SPTLC3: variants seen among roughly 807,000 people sequenced by gnomAD.
The protein encoded by SPTLC3 is serine palmitoyltransferase long chain base subunit 3.
SPTLC3 carries 36 observed loss-of-function variants against 59.3 expected under a neutral mutation model. The observed-to-expected ratio is 0.61, with a 90% CI of 0.47 to 0.80. The LOEUF (loss-of-function observed/expected upper bound fraction) is 0.80, where lower values mean the gene tolerates loss of function less well. Among genes scored for constraint, SPTLC3 ranks in the 30% least tolerant of loss-of-function variants. The pLI, the probability that SPTLC3 is intolerant of heterozygous loss-of-function variation, is 0.00. For synonymous variants in SPTLC3, 257 were observed against 240.8 expected, an observed-to-expected ratio of 1.07 and a Z score of -0.62; for missense variants, 625 against 685.1, an observed-to-expected ratio of 0.91 and a Z score of 0.98.
chr20:13,046,116 T>G (rs934704238), intron 1 of SPTLC3, among the ~76,000 whole-genome samples: 1 of 152,192 alleles, frequency 6.6e-6, no homozygotes, highest in Non-Finnish European at 1.5e-5. Flanking sequence ...CTGGGTTCCC[T>G]TTATTCACCC....
Position 13,110,171 on chromosome 20 carries a change from C to T in SPTLC3, c.886C>T (p.Arg296Cys), listed in dbSNP as rs547828339. Reference protein sequence around the residue: ...DAVIYGQPRTRRAWKKILILV... With the variant: ...DAVIYGQPRTCRAWKKILILV... ...TGTCATCTATGGCCAGCCTCGAACC[C>T]GCAGAGCTTGGAAAAAGATTCTCAT... Residue 296 changes from arginine to cysteine, a missense_variant, in exon 7 of 12, where the codon CGC (arginine) becomes TGC (cysteine). Physicochemically the swap from Arg to Cys is radical, Grantham distance 180. Transcript: ENST00000399002. The T allele has an allele frequency of 3.4e-5, 55 of 1,613,618 alleles. No homozygotes were observed. The highest frequency in any genetic ancestry group is 3.2e-4 in the South Asian group (29 of 91,060).
At chr20:13,141,917 T>C (rs1403427365) in intron 9 of SPTLC3, among the ~76,000 whole-genome samples, 1 of 152,172 alleles carries the variant, frequency 6.6e-6, no homozygotes, top group Admixed American at 6.5e-5. Context: ...GCAATCAAGG[T>C]GACAGACATT....
chr20:13,111,503 T>A (rs1214939236), intron 7 of SPTLC3, among the ~76,000 whole-genome samples: 1 of 152,186 alleles, frequency 6.6e-6, no homozygotes, highest in Non-Finnish European at 1.5e-5. Flanking sequence ...TAGCTCAAAA[T>A]GTCGATAGTG....
intron 1 of SPTLC3, among the ~76,000 whole-genome samples, chr20:13,020,080 G>GA (rs910853152): frequency 6.6e-6 from 1 of 151,924 alleles, no homozygotes; most frequent in Non-Finnish European, 1.5e-5. Context: ...AATCCAACTA[G>GA]AAAAAAACAG....
intron 1 of SPTLC3, among the ~76,000 whole-genome samples, chr20:13,023,278 C>A (rs1240686100): frequency 1.3e-5 from 2 of 151,506 alleles, no homozygotes; most frequent in African/African-American, 2.4e-5. Context: ...CACACACACA[C>A]ACACACACAG....
intron 2 of SPTLC3, among the ~76,000 whole-genome samples, chr20:13,058,682 A>G (rs1987827955): frequency 6.6e-6 from 1 of 152,184 alleles, no homozygotes; most frequent in Non-Finnish European, 1.5e-5. Context: ...AAACTTCATC[A>G]TGCACACAGA....
chr20:13,088,149 G>A (rs531238337), intron 4 of SPTLC3, among the ~76,000 whole-genome samples: 47 of 152,230 alleles, frequency 3.1e-4, no homozygotes, highest in African/African-American at 6.5e-4. Context: ...AGGTAAACGC[G>A]TATCTGGCAA....
intron 4 of SPTLC3, among the ~76,000 whole-genome samples, chr20:13,086,642 G>A (rs1013088536): frequency 2.0e-5 from 3 of 152,164 alleles, no homozygotes; most frequent in Non-Finnish European, 4.4e-5. Flanking sequence ...AATTGGTCTT[G>A]CATCTAGGAG....
intron 1 of SPTLC3, among the ~76,000 whole-genome samples, chr20:13,038,577 C>T (rs1986838346): frequency 1.3e-5 from 2 of 152,040 alleles, no homozygotes; most frequent in Admixed American, 6.6e-5. Flanking sequence ...TTTGATTGAT[C>T]CATCCAAGCA....
chr20:13,023,277 A>G (rs1358664747), intron 1 of SPTLC3, among the ~76,000 whole-genome samples: 2 of 150,878 alleles, frequency 1.3e-5, no homozygotes, highest in Non-Finnish European at 2.9e-5. Context: ...ACACACACAC[A>G]CACACACACA....
At chr20:13,152,629 A>C (rs757737526) in intron 9 of SPTLC3, among the ~76,000 whole-genome samples, 1 of 152,230 alleles carries the variant, frequency 6.6e-6, no homozygotes, top group Non-Finnish European at 1.5e-5. Flanking sequence ...ATCTAAAAGA[A>C]AGACTCAAAT....
chr20:13,034,069 G>C (rs1986623403), intron 1 of SPTLC3, among the ~76,000 whole-genome samples: 1 of 152,178 alleles, frequency 6.6e-6, no homozygotes, highest in South Asian at 2.1e-4. Context: ...GCAATAAATG[G>C]AAGGTGGAAC....
At chr20:13,061,122 T>C (rs1280357882) in intron 2 of SPTLC3, among the ~76,000 whole-genome samples, 1 of 152,162 alleles carries the variant, frequency 6.6e-6, no homozygotes, top group Non-Finnish European at 1.5e-5. Flanking sequence ...ACATCTGTTA[T>C]TGTTTTGGCT....
At chr20:13,078,070 A>G (rs527790459) in intron 4 of SPTLC3, among the ~76,000 whole-genome samples, 1 of 149,778 alleles carries the variant, frequency 6.7e-6, no homozygotes, top group Non-Finnish European at 1.5e-5. Context: ...AAGGGAAAAG[A>G]ATACATTACT....
Position 13,117,514 on chromosome 20 carries a change from G to A in SPTLC3, c.941G>A (p.Gly314Asp). The change falls in exon 8 of 12, where the codon GGT becomes GAT. Residue 314 changes from glycine to aspartate, a missense_variant. Gly to Asp is a moderately conservative substitution (Grantham distance 94). Coordinates refer to ENST00000399002, the MANE Select transcript of SPTLC3 (RefSeq NM_018327.4). The part of the protein sequence containing the change: ...ILVEGVYSME[G>D]SIVHLPQIIA... ...TTCTCCTTCTGCCCTAGCATGGAAGGTTCCATCGTGCATCTGCCCCAGATC... is the reference window on the plus strand; with the variant it reads ...TTCTCCTTCTGCCCTAGCATGGAAGATTCCATCGTGCATCTGCCCCAGATC... The A allele has an allele frequency of 1.3e-6, 2 of 1,592,420 alleles. No individual in the cohort carries two copies. Among genetic ancestry groups the A allele is most frequent in the Admixed American group, 1.8e-5 (1 of 56,304 alleles).
chr20:13,070,363 G>A (rs1988391109), intron 2 of SPTLC3, among the ~76,000 whole-genome samples: 1 of 152,156 alleles, frequency 6.6e-6, no homozygotes, highest in South Asian at 2.1e-4. Context: ...AGGACCAAAG[G>A]ATGAAGTGAC....
intron 4 of SPTLC3, among the ~76,000 whole-genome samples, chr20:13,088,682 G>A (rs73610451): frequency 2.7e-5 from 4 of 146,008 alleles, no homozygotes; most frequent in Admixed American, 1.4e-4. Flanking sequence ...GCAGTGGCTC[G>A]ATCTCAGCTC....
At chr20:13,155,981 G>T (rs2038759385) in intron 10 of SPTLC3, among the ~76,000 whole-genome samples, 1 of 152,122 alleles carries the variant, frequency 6.6e-6, no homozygotes, top group Admixed American at 6.6e-5. Context: ...CTGTGATAAT[G>T]TTAAGGAGGG....
chr20:13,063,856 A>G (rs531993514), intron 2 of SPTLC3, among the ~76,000 whole-genome samples: 1 of 151,880 alleles, frequency 6.6e-6, no homozygotes, highest in Non-Finnish European at 1.5e-5. Context: ...AGTTTTCTCC[A>G]TGTTGACCAG....
Sources: allele counts gnomAD v4.1 joint callset (sites outside exome capture counted in the v4.1 genomes callset), GRCh38; gene constraint gnomAD v4.1.1; transcripts MANE v1.5; gene names NCBI Gene and HGNC (gene_info 2026-07-23, HGNC 2026-07-21).